Variants in ANTXR1 observed in about 807,000 individuals in gnomAD.
ANTXR1 encodes the protein ANTXR cell adhesion molecule 1, also known as anthrax toxin receptor 1.
ANTXR1 carries 19 observed loss-of-function variants against 78.1 expected under a neutral mutation model. That is an observed-to-expected ratio of 0.24 (90% CI 0.17 to 0.36). The LOEUF (loss-of-function observed/expected upper bound fraction) is 0.36. ANTXR1 is among the 10% of genes least tolerant of loss of function. The probability of loss-of-function intolerance (pLI) is 1.00; values close to 1 mark genes in which losing one functional copy is unlikely to be tolerated. For synonymous variants in ANTXR1, 273 were observed against 260.5 expected, an observed-to-expected ratio of 1.05 and a Z score of -0.46; for missense variants, 518 against 718.6, an observed-to-expected ratio of 0.72 and a Z score of 3.19.
chr2:69,124,527 G>A lies in ANTXR1; in HGVS notation c.873-38G>A, dbSNP rs141699272. On this transcript the variant is annotated intron_variant, in intron 11 of 17. Transcript: ENST00000303714. ...GCTCTCAGCCTGTTGCTCATTGCAC[G>A]CCCTGCTGAGAGTCTGCTTCCCTTG... 3.4e-4 allele frequency: 544 copies of A among 1,589,624 alleles called. 1 individual carries two copies. The African/African-American group carries it at 5.0e-3, about 15-fold the overall frequency.
chr2:69,144,328 C>T (rs1026446239), intron 12 of ANTXR1, among the ~76,000 whole-genome samples: 1 of 152,210 alleles, frequency 6.6e-6, no homozygotes, highest in Non-Finnish European at 1.5e-5. Flanking sequence ...GTTCCTTGAT[C>T]TCTGCTGTTT....
intron 13 of ANTXR1, among the ~76,000 whole-genome samples, chr2:69,163,634 C>T (rs978667036): frequency 3.3e-5 from 5 of 152,202 alleles, no homozygotes; most frequent in Non-Finnish European, 7.3e-5. Flanking sequence ...CCAGGACACA[C>T]GCTCCTATTG....
intron 12 of ANTXR1, among the ~76,000 whole-genome samples, chr2:69,142,857 A>C (rs115308740): frequency 0.032 from 4,832 of 152,224 alleles, 112 homozygotes; most frequent in Middle Eastern, 0.051. Context: ...GAGATAAGAG[A>C]GGGCTTGTAT....
At chr2:69,169,146 G>A (rs1673907298) in intron 13 of ANTXR1, among the ~76,000 whole-genome samples, 1 of 152,244 alleles carries the variant, frequency 6.6e-6, no homozygotes, top group Non-Finnish European at 1.5e-5. Flanking sequence ...AAGCAGCCTG[G>A]CCTGCAGCCA....
intron 12 of ANTXR1, among the ~76,000 whole-genome samples, chr2:69,132,548 T>G (rs1019086376): frequency 2.0e-5 from 3 of 152,256 alleles, no homozygotes; most frequent in African/African-American, 7.2e-5. Context: ...CAGTAGCCTG[T>G]GCTGAGTGGC....
intron 17 of ANTXR1, among the ~76,000 whole-genome samples, chr2:69,221,863 T>C (rs570151717): frequency 3.0e-4 from 46 of 152,188 alleles, no homozygotes; most frequent in Non-Finnish European, 5.9e-4. Flanking sequence ...TGCCTTTAAT[T>C]GCTTTTATTT....
At chr2:69,133,000 C>T (rs576094798) in intron 12 of ANTXR1, among the ~76,000 whole-genome samples, 7 of 152,168 alleles carry the variant, frequency 4.6e-5, no homozygotes, top group Non-Finnish European at 5.9e-5. Flanking sequence ...TCCAAAGACT[C>T]GTGAACCTTT....
At chr2:69,226,051 T>C (rs1434729133) in intron 17 of ANTXR1, among the ~76,000 whole-genome samples, 2 of 152,152 alleles carry the variant, frequency 1.3e-5, no homozygotes, top group Non-Finnish European at 2.9e-5. Context: ...ACACTGCCTC[T>C]CCATTGCATT....
intron 10 of ANTXR1, among the ~76,000 whole-genome samples, chr2:69,110,158 C>T (rs559935737): frequency 4.6e-5 from 7 of 152,220 alleles, no homozygotes; most frequent in African/African-American, 1.7e-4. Context: ...CTTGGAAAAC[C>T]TGTAGGAAAA....
At chr2:69,185,477 T>A (rs1048389462) in intron 16 of ANTXR1, among the ~76,000 whole-genome samples, 8 of 150,958 alleles carry the variant, frequency 5.3e-5, no homozygotes, top group African/African-American at 2.0e-4. Flanking sequence ...GAGGCAGAGG[T>A]TGCAGTGAGC....
chr2:69,171,005 C>T (rs1403424071), intron 14 of ANTXR1, among the ~76,000 whole-genome samples: 1 of 152,202 alleles, frequency 6.6e-6, no homozygotes, highest in Non-Finnish European at 1.5e-5. Context: ...CTTAGTACAG[C>T]TGGAGTCTCT....
intron 1 of ANTXR1, among the ~76,000 whole-genome samples, chr2:69,028,988 G>T (rs977838793): frequency 1.3e-5 from 2 of 151,982 alleles, no homozygotes; most frequent in Non-Finnish European, 2.9e-5. Context: ...AGGCCAAGAC[G>T]GGCAGATTAC....
rs368880924 is a variant in ANTXR1 at position 69,181,782 on chromosome 2, G to A, written c.1090-4G>A. On this transcript the variant is annotated splice_polypyrimidine_tract_variant and splice_region_variant and intron_variant, in intron 14 of 17. Coordinates refer to ENST00000303714, the MANE Select transcript of ANTXR1 (RefSeq NM_032208.3). ...TTCCTTCATGTGCCACAATTTCTCT[G>A]CAGGAAGAAGATGATGATGGTCTGC... 42 of 1,613,896 alleles carry A rather than the reference G, an allele frequency of 2.6e-5. No individual in the cohort carries two copies. The African/African-American group carries it at 5.2e-4, about 20-fold the overall frequency.
chr2:69,180,865 T>G (rs1674256589), intron 14 of ANTXR1, among the ~76,000 whole-genome samples: 1 of 152,160 alleles, frequency 6.6e-6, no homozygotes, highest in Non-Finnish European at 1.5e-5. Flanking sequence ...AGGGGAGGTT[T>G]CTCTGAGGAG....
chr2:69,201,280 G>A (rs1489852380), intron 17 of ANTXR1, among the ~76,000 whole-genome samples: 1 of 152,148 alleles, frequency 6.6e-6, no homozygotes, highest in African/African-American at 2.4e-5. Context: ...GAATGGAGTT[G>A]GGGAGGTAGA....
intron 10 of ANTXR1, among the ~76,000 whole-genome samples, chr2:69,119,651 T>C (rs976706042): frequency 6.6e-6 from 1 of 152,212 alleles, no homozygotes; most frequent in Non-Finnish European, 1.5e-5. Flanking sequence ...ATCTGAAATA[T>C]GAGCCTAATG....
At chr2:69,138,861 T>C (rs1030968182) in intron 12 of ANTXR1, among the ~76,000 whole-genome samples, 65 of 152,198 alleles carry the variant, frequency 4.3e-4, no homozygotes, top group African/African-American at 1.5e-3. Flanking sequence ...GCTGAGGAAA[T>C]ATGAAAGAGC....
chr2:69,209,897 C>T (rs766451634), intron 17 of ANTXR1, among the ~76,000 whole-genome samples: 4 of 152,164 alleles, frequency 2.6e-5, no homozygotes, highest in Non-Finnish European at 5.9e-5. Context: ...AGACAAGTGC[C>T]CTAGCATCCT....
chr2:69,092,607 C>A (rs1671275651), intron 9 of ANTXR1, among the ~76,000 whole-genome samples: 1 of 152,164 alleles, frequency 6.6e-6, no homozygotes, highest in Non-Finnish European at 1.5e-5. Context: ...GCTACCTGAC[C>A]ACACAGATGG....
Sources: allele counts gnomAD v4.1 joint callset (sites outside exome capture counted in the v4.1 genomes callset), GRCh38; gene constraint gnomAD v4.1.1; transcripts MANE v1.5; gene names NCBI Gene and HGNC (gene_info 2026-07-23, HGNC 2026-07-21).